The following ITLN2 variants were observed in gnomAD, a reference collection of about 807,000 sequenced individuals.
ITLN2 encodes intelectin-2.
ITLN2 carries 29 observed loss-of-function variants against 39.4 expected under a neutral mutation model. The ratio of observed to expected loss-of-function variants is 0.74; its 90% confidence interval spans 0.55 to 1.00. The LOEUF (loss-of-function observed/expected upper bound fraction) is 1.00, where lower values mean the gene tolerates loss of function less well. Among genes scored for constraint, ITLN2 ranks in the 50% least tolerant of loss-of-function variants. The pLI, the probability that ITLN2 is intolerant of heterozygous loss-of-function variation, is 0.00. For missense variants in ITLN2, 412 were observed against 416.7 expected (o/e 0.99, Z 0.10); for synonymous variants, 156 against 153.4 (o/e 1.02, Z -0.12).
In ITLN2 at chr1:160,952,691, G is replaced by T. The variant is rs148724799; in HGVS notation, c.122C>A (p.Thr41Asn). Residue 41 changes from threonine to asparagine, a missense_variant, in exon 3 of 8, where the codon ACC becomes AAC. Transcript: ENST00000368029. ...SLEMLSREFETCAFSFSSLPR... is the reference protein window; with the variant it reads ...SLEMLSREFENCAFSFSSLPR... The stretch of plus-strand genomic sequence containing the variant: ...CAGGGAAGAAAAGGAGAAGGCACAG[G>T]TTTCGAATTCCCTCGAGAGCATCTC... 2.5e-6 allele frequency: 4 copies of T among 1,614,124 alleles called. No homozygotes were observed. The highest frequency in any genetic ancestry group is 1.1e-5 in the South Asian group (1 of 91,082).
chr1:160,949,164 G>A (rs539921294), intron 6 of ITLN2: 5 of 150,618 alleles, frequency 3.3e-5, no homozygotes, highest in African/African-American at 5.0e-5. Flanking sequence ...TAAACATCTC[G>A]GTGCATTAAA....
chr1:160,950,867 C>T, intron 4 of ITLN2, 156 bp from the exon 5 acceptor site: 1 of 1,458,050 alleles, frequency 6.9e-7, no homozygotes, highest in African/African-American at 1.4e-5. Context: ...GATCCCACCA[C>T]CACCCAGGGC....
intron 2 of ITLN2, among the ~76,000 whole-genome samples, 183 bp from the exon 3 acceptor site, chr1:160,952,916 C>G (rs977572839): frequency 6.6e-6 from 1 of 152,144 alleles, no homozygotes; most frequent in Non-Finnish European, 1.5e-5. Flanking sequence ...ATCTTCCACT[C>G]GACTAATTTT....
At chr1:160,946,238 G>A (rs1671596919) in intron 7 of ITLN2, among the ~76,000 whole-genome samples, 1 of 152,084 alleles carries the variant, frequency 6.6e-6, no homozygotes, top group Non-Finnish European at 1.5e-5. Context: ...TTGAACCCGG[G>A]AGGCAGAGGT....
At chr1:160,954,481 G>A in intron 1 of ITLN2, 31 bp from the exon 2 acceptor site, 8 of 1,532,282 alleles carry the variant, frequency 5.2e-6, no homozygotes, top group Non-Finnish European at 7.1e-6. Context: ...CAAGGTCACT[G>A]GCTGGCCCTT....
In ITLN2 at chr1:160,947,687, A is replaced by T. The variant is rs1416818093; in HGVS notation, c.825+242T>A. ...CATACTGCCTGCAAACATATTGTTA[A>T]CAAGGCACATCCTGCACAGCCCTAA... On this transcript the variant is annotated intron_variant, in intron 7 of 7. Transcript: ENST00000368029. 2.6e-5 allele frequency among the ~76,000 whole-genome samples: 4 copies of T among 152,260 alleles called. No individual in the cohort carries two copies. In the East Asian group the frequency reaches 7.7e-4, roughly 29 times the overall value.
At chr1:160,952,808 G>T in intron 2 of ITLN2, 75 bp from the exon 3 acceptor site, 2 of 1,058,138 alleles carry the variant, frequency 1.9e-6, no homozygotes, top group Non-Finnish European at 1.4e-6. Flanking sequence ...CTCTGCCCCT[G>T]TATCAACTCA....
At chr1:160,946,880 G>C (rs914734249) in intron 7 of ITLN2, among the ~76,000 whole-genome samples, 1 of 152,086 alleles carries the variant, frequency 6.6e-6, no homozygotes, top group Non-Finnish European at 1.5e-5. Flanking sequence ...GTACACACAT[G>C]TGCATACCCA....
intron 2 of ITLN2, among the ~76,000 whole-genome samples, chr1:160,953,728 G>C (rs1221808597): frequency 1.3e-5 from 2 of 151,932 alleles, no homozygotes; most frequent in East Asian, 3.9e-4. Flanking sequence ...AAAAATTACA[G>C]GACTCAAGGT....
intron 6 of ITLN2, 77 bp from the exon 7 acceptor site, chr1:160,948,109 GGATTCCCTAAGCCAAA>G (rs1179298812): frequency 8.0e-7 from 1 of 1,253,258 alleles, no homozygotes; most frequent in African/African-American, 1.5e-5. Context: ...GCCAGTCCAG[GGATTCCCTAAGCCAAA>G]AGCTGAGGCT....
intron 6 of ITLN2, 120 bp downstream of exon 6, chr1:160,949,926 G>GTTCCA: frequency 2.4e-6 from 2 of 845,272 alleles, no homozygotes; most frequent in Non-Finnish European, 3.7e-6. Context: ...TCCAAGACAA[G>GTTCCA]AGTCTGGTGC....
At chr1:160,953,277 G>A (rs1671787238) in intron 2 of ITLN2, among the ~76,000 whole-genome samples, 1 of 152,144 alleles carries the variant, frequency 6.6e-6, no homozygotes, top group South Asian at 2.1e-4. Flanking sequence ...TATTGTGGCT[G>A]GAACATATGT....
At chr1:160,954,598 A>T in intron 1 of ITLN2, 129 bp downstream of exon 1, 1 of 1,253,440 alleles carries the variant, frequency 8.0e-7, no homozygotes, top group Non-Finnish European at 1.1e-6. Context: ...AATATGCCCC[A>T]CGGCTGTCCA....
chr1:160,950,981 G>A, intron 4 of ITLN2, 62 bp downstream of exon 4: 2 of 1,613,586 alleles, frequency 1.2e-6, no homozygotes, highest in South Asian at 1.1e-5. Context: ...CCTCCTGCAG[G>A]CTGGTGGCCA....
At chr1:160,953,942 G>T (rs1417432998) in intron 2 of ITLN2, among the ~76,000 whole-genome samples, 2 of 151,940 alleles carry the variant, frequency 1.3e-5, no homozygotes, top group African/African-American at 2.4e-5. Context: ...TATCACTATT[G>T]TGCCTACTGG....
intron 3 of ITLN2, 148 bp from the exon 4 acceptor site, chr1:160,951,438 G>C (rs1235439935): frequency 5.5e-6 from 6 of 1,097,064 alleles, no homozygotes; most frequent in Non-Finnish European, 7.7e-6. Flanking sequence ...TGCATCTTGT[G>C]TTCTGCTCAC....
chr1:160,948,053 A>AC lies in ITLN2; in HGVS notation c.722-22_722-21insG, dbSNP rs777093880. 6.5e-5 allele frequency: 103 copies of AC among 1,592,436 alleles called. No homozygotes were observed. In the Middle Eastern group the frequency reaches 8.3e-4, roughly 13 times the overall value. On this transcript the variant is annotated intron_variant, in intron 6 of 7. Transcript: ENST00000368029. ...TTCCCCTGAAAAAGAAGAGGTGAAG[A>AC]AACAGCCAAGTAGTCAAAGGATGAA... is the stretch of plus-strand genomic sequence containing the variant.
At position 160,950,401 on chromosome 1, in the gene ITLN2, G is replaced by A. The variant is rs368290130; in HGVS notation, c.600+152C>T. On this transcript the variant is annotated intron_variant, in intron 5 of 7. Transcript: ENST00000368029. The stretch of plus-strand genomic sequence containing the variant: ...CTTGCTGGCTTAGAGTTTCTGAGAG[G>A]CCAGACATGAGTTCACAGTGAATCA... 3.8e-3 allele frequency: 3,946 copies of A among 1,047,160 alleles called. 92 individuals are homozygous for A. In the South Asian group the frequency reaches 0.043, roughly 11 times the overall value. 64.9% of individuals were successfully genotyped at this position (1,047,160 alleles called of 1,614,324 possible).
rs777804097 is a variant in ITLN2, at chr1:160,951,181, G to C, written c.303C>G (p.Asp101Glu). 5 of 1,614,072 alleles carry C rather than the reference G, an allele frequency of 3.1e-6. No homozygotes were observed. In the East Asian group the frequency reaches 1.1e-4, roughly 36 times the overall value. The change falls in exon 4 of 8, where the codon GAC becomes GAG. Residue 101 changes from aspartate to glutamate, a missense_variant. By Grantham distance (45) the Asp-to-Glu change is conservative (BLOSUM62 2). Coordinates refer to ENST00000368029, the MANE Select transcript of ITLN2 (RefSeq NM_080878.3). ...CACCCACCGTGCACTTCCCACGCAT[G>C]TCATTCTCGTGCACGCTGGCCACCA... is the stretch of plus-strand genomic sequence containing the variant. ...WTLVASVHEN[D>E]MRGKCTVGDR...
Sources: gnomAD v4.1 joint callset for allele counts (sites outside exome capture counted in the v4.1 genomes callset) on GRCh38, gnomAD v4.1.1 for gene constraint, MANE v1.5 for transcripts, NCBI Gene and HGNC (gene_info 2026-07-23, HGNC 2026-07-21) for gene names.